The following ST8SIA6 variants were observed in gnomAD, a reference collection of about 807,000 sequenced individuals.
The protein encoded by ST8SIA6 is alpha-2,8-sialyltransferase 8F.
A neutral mutation model predicts 33.6 loss-of-function variants in ST8SIA6; 39 were observed. That is an observed-to-expected ratio of 1.16 (90% CI 0.90 to 1.52). The LOEUF (loss-of-function observed/expected upper bound fraction) is 1.52, where lower values mean the gene tolerates loss of function less well. ST8SIA6 is among the 40% of genes most tolerant of loss of function. ST8SIA6 has a pLI of 0.00. For synonymous variants in ST8SIA6, 172 were observed against 167.2 expected, an observed-to-expected ratio of 1.03 and a Z score of -0.22; for missense variants, 441 against 443.8, an observed-to-expected ratio of 0.99 and a Z score of 0.06.
At chr10:17,368,098 A>C (rs1387519916) in intron 3 of ST8SIA6, among the ~76,000 whole-genome samples, 1 of 152,044 alleles carries the variant, frequency 6.6e-6, no homozygotes, top group East Asian at 1.9e-4. Context: ...AACAAAACAC[A>C]AAAATCTATG....
chr10:17,345,416 C>T (rs968087552), intron 4 of ST8SIA6, among the ~76,000 whole-genome samples: 14 of 152,176 alleles, frequency 9.2e-5, no homozygotes, highest in African/African-American at 3.1e-4. Flanking sequence ...TTGGAAGGTA[C>T]CTAAGCCACC....
intron 2 of ST8SIA6, among the ~76,000 whole-genome samples, chr10:17,416,998 G>T (rs1001846872): frequency 3.3e-5 from 5 of 152,142 alleles, no homozygotes; most frequent in African/African-American, 1.2e-4. Flanking sequence ...GCCTGAGACT[G>T]GGTAGTTCAT....
rs573499704 is a variant in ST8SIA6, at chr10:17,319,426, G to T, written c.*1452C>A. 6.6e-6 allele frequency among the ~76,000 whole-genome samples: 1 copy of T among 152,068 alleles called. No homozygotes were observed. Among genetic ancestry groups the T allele is most frequent in the East Asian group, 1.9e-4 (1 of 5,194 alleles). On this transcript the variant is annotated 3_prime_UTR_variant, in exon 8 of 8. Coordinates refer to ENST00000377602, the MANE Select transcript of ST8SIA6 (RefSeq NM_001004470.3). ...GTAGGATTGTTGTAAAATTTCACAC[G>T]TGCTTTTAGGATGGCAACACAGATG... is the stretch of plus-strand genomic sequence containing the variant.
chr10:17,368,092 A>C (rs1319852481), intron 3 of ST8SIA6, among the ~76,000 whole-genome samples: 1 of 152,004 alleles, frequency 6.6e-6, no homozygotes, highest in Non-Finnish European at 1.5e-5. Context: ...ATAACCAACA[A>C]AACACAAAAA....
intron 2 of ST8SIA6, among the ~76,000 whole-genome samples, chr10:17,405,873 A>G (rs1249736480): frequency 2.0e-5 from 3 of 147,500 alleles, no homozygotes; most frequent in African/African-American, 7.8e-5. Context: ...CAAGAGAGCA[A>G]GACTCCATTT....
intron 3 of ST8SIA6, among the ~76,000 whole-genome samples, chr10:17,374,715 A>AAAATAAATAAAT (rs200761061): frequency 1.5e-5 from 2 of 134,790 alleles, no homozygotes; most frequent in Non-Finnish European, 3.2e-5. Flanking sequence ...CTCTGTCTCA[A>AAAATAAATAAAT]AAATAAATAA....
Position 17,327,660 on chromosome 10 carries a change from T to G in ST8SIA6, c.523-534A>C, listed in dbSNP as rs187775775. On this transcript the variant is annotated intron_variant, in intron 5 of 7. Transcript: ENST00000377602. Reference sequence around the variant, plus strand: ...GGCTCACATCTGTAATCCCAGCACTTTGGGAGGCTGCCAAAATGAGAGAGT... The same window carrying G: ...GGCTCACATCTGTAATCCCAGCACTGTGGGAGGCTGCCAAAATGAGAGAGT... Among the ~76,000 whole-genome samples the G allele has an allele frequency of 1.8e-3, 266 of 149,834 alleles. 1 individual carries two copies. Among genetic ancestry groups the G allele is most frequent in the African/African-American group, 6.2e-3 (253 of 40,674 alleles).
At chr10:17,360,536 G>A (rs1207541121) in intron 3 of ST8SIA6, among the ~76,000 whole-genome samples, 2 of 146,876 alleles carry the variant, frequency 1.4e-5, no homozygotes, top group African/African-American at 5.0e-5. Flanking sequence ...TTTGAGGTGG[G>A]CTTATATATG....
chr10:17,440,205 G>GTTT (rs1588928210), intron 2 of ST8SIA6, among the ~76,000 whole-genome samples: 1 of 128,070 alleles, frequency 7.8e-6, no homozygotes, highest in African/African-American at 4.2e-5. Flanking sequence ...TTTCTCAAAT[G>GTTT]TATTTTTTTT....
chr10:17,356,887 G>C (rs1190790227), intron 4 of ST8SIA6, among the ~76,000 whole-genome samples: 1 of 152,096 alleles, frequency 6.6e-6, no homozygotes, highest in Non-Finnish European at 1.5e-5. Context: ...GATTTGAAGA[G>C]ACTGATTTTT....
intron 2 of ST8SIA6, among the ~76,000 whole-genome samples, chr10:17,400,948 A>G (rs548021255): frequency 2.6e-5 from 4 of 152,310 alleles, no homozygotes; most frequent in East Asian, 3.9e-4. Context: ...GGCAGGAGAA[A>G]GAAATAAAGG....
intron 3 of ST8SIA6, among the ~76,000 whole-genome samples, chr10:17,370,317 C>G (rs1849691310): frequency 6.6e-6 from 1 of 152,158 alleles, no homozygotes. Flanking sequence ...GTGATTTAAT[C>G]CATTCAAATT....
chr10:17,443,515 T>C (rs1852581401), intron 2 of ST8SIA6, among the ~76,000 whole-genome samples: 1 of 152,190 alleles, frequency 6.6e-6, no homozygotes, highest in Non-Finnish European at 1.5e-5. Context: ...ATAACAAAAA[T>C]TGTTTTACAA....
intron 5 of ST8SIA6, among the ~76,000 whole-genome samples, chr10:17,330,203 T>G (rs567226927): frequency 6.6e-6 from 1 of 152,264 alleles, no homozygotes; most frequent in Admixed American, 6.5e-5. Context: ...TACATAATTA[T>G]CAGGCCTATA....
At chr10:17,328,812 G>A (rs1199353650) in intron 5 of ST8SIA6, among the ~76,000 whole-genome samples, 2 of 152,118 alleles carry the variant, frequency 1.3e-5, no homozygotes, top group Admixed American at 6.6e-5. Context: ...TGCGCAGAAC[G>A]AACCTGACCC....
intron 2 of ST8SIA6, among the ~76,000 whole-genome samples, chr10:17,394,412 G>A (rs1850728399): frequency 1.3e-5 from 2 of 151,286 alleles, no homozygotes; most frequent in Non-Finnish European, 2.9e-5. Flanking sequence ...TTAATGGGAT[G>A]TATATAAAAA....
intron 2 of ST8SIA6, among the ~76,000 whole-genome samples, chr10:17,426,711 G>A (rs1588914535): frequency 1.3e-5 from 2 of 152,228 alleles, no homozygotes; most frequent in South Asian, 4.1e-4. Context: ...TAAAAGCGTG[G>A]TGGTCTTTTA....
chr10:17,321,972 G>A (rs1306611664), intron 7 of ST8SIA6, among the ~76,000 whole-genome samples: 3 of 151,872 alleles, frequency 2.0e-5, no homozygotes, highest in Admixed American at 2.0e-4. Context: ...GAACGGTGGT[G>A]CATGCCTGTA....
In ST8SIA6 at chr10:17,325,973, C is replaced by G. The variant is rs1229622260; in HGVS notation, c.635+1041G>C. ...TGGGAATTTTAAGCCTATAAAAAGTCTACTGCAAGAAGAATTATCTTCCTT... is the reference window on the plus strand; with the variant it reads ...TGGGAATTTTAAGCCTATAAAAAGTGTACTGCAAGAAGAATTATCTTCCTT... On this transcript the variant is annotated intron_variant, in intron 6 of 7. Transcript: ENST00000377602. 3.3e-5 allele frequency among the ~76,000 whole-genome samples: 5 copies of G among 152,160 alleles called. No individual in the cohort carries two copies. In the East Asian group the frequency reaches 9.6e-4, roughly 29 times the overall value.
Sources: gnomAD v4.1 joint callset for allele counts (sites outside exome capture counted in the v4.1 genomes callset) on GRCh38, gnomAD v4.1.1 for gene constraint, MANE v1.5 for transcripts, NCBI Gene and HGNC (gene_info 2026-07-23, HGNC 2026-07-21) for gene names.